NDUFA9: variants seen among roughly 807,000 people sequenced by gnomAD.
The protein encoded by NDUFA9 is NADH dehydrogenase [ubiquinone] 1 alpha subcomplex subunit 9, mitochondrial.
A neutral mutation model predicts 45.9 loss-of-function variants in NDUFA9; 23 were observed. That is an observed-to-expected ratio of 0.50 (90% confidence interval 0.36 to 0.71). The LOEUF (loss-of-function observed/expected upper bound fraction) is 0.71. Ranked by LOEUF, NDUFA9 falls within the 30% of genes least tolerant of loss-of-function variation. The pLI is 0.00. For synonymous variants in NDUFA9, 176 were observed against 170.5 expected (o/e 1.03, Z -0.25); for missense variants, 466 against 488.2 (o/e 0.95, Z 0.43).
rs866060087 is a variant in NDUFA9, at chr12:4,689,023, T to C, written c.*1915T>C. ...TAGATGTAAATATTGTCAGGGTATA[T>C]GTGGTAATTTGATATATTCATATAA... On this transcript the variant is annotated 3_prime_UTR_variant, in exon 11 of 11. Coordinates refer to ENST00000266544, the MANE Select transcript of NDUFA9 (RefSeq NM_005002.5). 1.3e-4 allele frequency: 20 copies of C among 152,256 alleles called. No individual in the cohort carries two copies. The highest frequency in any genetic ancestry group is 2.4e-4 in the Non-Finnish European group (16 of 68,048). The allele number at this position is 152,256 out of a possible 1,614,324, so 9.4% of individuals were successfully genotyped here. A position where few individuals can be genotyped will look rare whatever the true frequency, so the allele number is the denominator to read the frequency against.
Position 4,662,550 on chromosome 12 carries a change from A to G in NDUFA9, c.570A>G (p.Val190=). The change falls in exon 6 of 11, where the codon GTA becomes GTG. Residue 190 remains valine (V), a synonymous_variant. Coordinates refer to ENST00000266544, the MANE Select transcript of NDUFA9 (RefSeq NM_005002.5). ...YLRNKAVGEK[V]VRDAFPEAII... is the part of the protein sequence containing the mutation. Reference sequence around the variant, plus strand: ...TTGTTTAGGCTGTTGGAGAGAAAGTAGTGAGAGATGCATTTCCGGAAGCCA... The same window carrying G: ...TTGTTTAGGCTGTTGGAGAGAAAGTGGTGAGAGATGCATTTCCGGAAGCCA... 3 of 1,613,810 alleles carry G rather than the reference A, an allele frequency of 1.9e-6. No homozygotes were observed. Among genetic ancestry groups the G allele is most frequent in the Non-Finnish European group, 2.5e-6 (3 of 1,179,726 alleles).
chr12:4,685,878 T>C (rs3835026), intron 10 of NDUFA9, among the ~76,000 whole-genome samples: 107,952 of 152,134 alleles, frequency 0.71, 39,042 homozygotes, highest in Non-Finnish European at 0.79. Flanking sequence ...CAAAATAAAA[T>C]AAAAATACTA....
chr12:4,664,571 A>G (rs919049814), intron 6 of NDUFA9, among the ~76,000 whole-genome samples: 3 of 152,330 alleles, frequency 2.0e-5, no homozygotes, highest in African/African-American at 7.2e-5. Context: ...AGGTGGGACC[A>G]CCCAGAGTCT....
intron 3 of NDUFA9, 188 bp downstream of exon 3, chr12:4,655,110 T>C (rs912479145): frequency 9.2e-6 from 5 of 541,466 alleles, no homozygotes; most frequent in African/African-American, 1.9e-5. Context: ...GATTGGCAGT[T>C]GGCAAACTTT....
In NDUFA9 at chr12:4,691,387, A is replaced by T. The variant is rs991580848; in HGVS notation, c.*4279A>T. ...GATTCCTATTTCCCAAATGCTGGAA[A>T]CAGGGACTTATAGAAGGTAAATTGC... On this transcript the variant is annotated 3_prime_UTR_variant, in exon 11 of 11. Transcript: ENST00000266544. 6.6e-6 allele frequency: 1 copy of T among 152,230 alleles called. No individual in the cohort carries two copies. Among genetic ancestry groups the T allele is most frequent in the Admixed American group, 6.5e-5 (1 of 15,286 alleles). The allele number at this position is 152,230 out of a possible 1,614,324, so 9.4% of individuals were successfully genotyped here. A position where few individuals can be genotyped will look rare whatever the true frequency, so the allele number is the denominator to read the frequency against.
chr12:4,685,347 G>A (rs755109305), intron 10 of NDUFA9, 22 bp downstream of exon 10: 35 of 1,600,358 alleles, frequency 2.2e-5, no homozygotes, highest in South Asian at 1.7e-4. Context: ...TGTGGAAAGC[G>A]TCTGCCTGGG....
At chr12:4,667,843 G>T (rs1418501676) in intron 6 of NDUFA9, among the ~76,000 whole-genome samples, 2 of 147,306 alleles carry the variant, frequency 1.4e-5, no homozygotes, top group African/African-American at 5.0e-5. Flanking sequence ...AAAAAAAAAA[G>T]AAAAACAAAC....
At position 4,689,279 on chromosome 12, in the gene NDUFA9, G is replaced by T; in HGVS notation, c.*2171G>T. The stretch of plus-strand genomic sequence containing the variant: ...CTAACTTGTATCATCTCAGGATGCT[G>T]TATATTTCTTTTATTTTTTATTTTT... On this transcript the variant is annotated 3_prime_UTR_variant, in exon 11 of 11. Transcript: ENST00000266544. 6.6e-6 allele frequency: 1 copy of T among 152,378 alleles called. No individual in the cohort carries two copies. Among genetic ancestry groups the T allele is most frequent in the South Asian group, 2.1e-4 (1 of 4,798 alleles). The allele number at this position is 152,378 out of a possible 1,614,324, so 9.4% of individuals were successfully genotyped here.
At chr12:4,664,711 T>C (rs1945843034) in intron 6 of NDUFA9, among the ~76,000 whole-genome samples, 1 of 152,186 alleles carries the variant, frequency 6.6e-6, no homozygotes, top group Non-Finnish European at 1.5e-5. Flanking sequence ...AACTACCGCT[T>C]CAGTGGGTCC....
At chr12:4,680,197 T>C (rs757638362) in intron 8 of NDUFA9, among the ~76,000 whole-genome samples, 2 of 151,940 alleles carry the variant, frequency 1.3e-5, no homozygotes, top group Non-Finnish European at 2.9e-5. Context: ...TAGGAGAACA[T>C]GTGGGATTGC....
intron 6 of NDUFA9, among the ~76,000 whole-genome samples, chr12:4,668,133 C>A (rs1945864264): frequency 6.6e-6 from 1 of 152,126 alleles, no homozygotes; most frequent in Non-Finnish European, 1.5e-5. Flanking sequence ...AGGAAGAGTT[C>A]CATGTTTCTC....
intron 8 of NDUFA9, among the ~76,000 whole-genome samples, chr12:4,671,143 G>A (rs1290587339): frequency 1.3e-5 from 2 of 152,162 alleles, no homozygotes; most frequent in Non-Finnish European, 2.9e-5. Flanking sequence ...TTGAGGCTAA[G>A]GCAGTGGCAT....
At chr12:4,662,452 T>C in intron 5 of NDUFA9, 81 bp from the exon 6 acceptor site, 1 of 1,027,732 alleles carries the variant, frequency 9.7e-7, no homozygotes, top group Non-Finnish European at 1.5e-6. Flanking sequence ...GAAATACAAG[T>C]CATGTCTTAA....
intron 8 of NDUFA9, among the ~76,000 whole-genome samples, chr12:4,680,076 G>A (rs954334638): frequency 3.3e-5 from 5 of 152,128 alleles, no homozygotes; most frequent in African/African-American, 9.7e-5. Flanking sequence ...TTTTCTTGTT[G>A]GAATGTGAGG....
At chr12:4,667,157 T>C (rs1591546027) in intron 6 of NDUFA9, among the ~76,000 whole-genome samples, 1 of 152,192 alleles carries the variant, frequency 6.6e-6, no homozygotes, top group Non-Finnish European at 1.5e-5. Context: ...ACAAATGCTA[T>C]GTCCCCACAT....
rs1483557087 is a variant in NDUFA9 at position 4,687,330 on chromosome 12, A to G, written c.*222A>G. 21 of 376,936 alleles carry G rather than the reference A, an allele frequency of 5.6e-5. No homozygotes were observed. In the South Asian group the frequency reaches 9.8e-4, roughly 18 times the overall value. The allele number at this position is 376,936 out of a possible 1,614,324, so 23.3% of individuals were successfully genotyped here. On this transcript the variant is annotated 3_prime_UTR_variant, in exon 11 of 11. Transcript: ENST00000266544. The stretch of plus-strand genomic sequence containing the variant: ...TTAAACATATTTAATAATGATATAT[A>G]TACTATTTATTCTCTGAAATGCCAG...
intron 6 of NDUFA9, among the ~76,000 whole-genome samples, chr12:4,664,264 G>A (rs536974165): frequency 5.9e-5 from 9 of 152,256 alleles, no homozygotes; most frequent in African/African-American, 1.9e-4. Flanking sequence ...TTGTGGATGC[G>A]ACTCACCAAC....
intron 3 of NDUFA9, 44 bp from the exon 4 acceptor site, chr12:4,657,704 G>A: frequency 7.0e-7 from 1 of 1,419,566 alleles, no homozygotes; most frequent in East Asian, 2.3e-5. Flanking sequence ...TGAGTGCTGA[G>A]GTATACCCCT....
At chr12:4,681,152 T>C (rs1945950032) in intron 8 of NDUFA9, among the ~76,000 whole-genome samples, 1 of 151,966 alleles carries the variant, frequency 6.6e-6, no homozygotes, top group Non-Finnish European at 1.5e-5. Context: ...AAAAAAAAAA[T>C]CTTTTTTATA....
Sources: gnomAD v4.1 joint callset for allele counts (sites outside exome capture counted in the v4.1 genomes callset) on GRCh38, gnomAD v4.1.1 for gene constraint, MANE v1.5 for transcripts, NCBI Gene and HGNC (gene_info 2026-07-23, HGNC 2026-07-21) for gene names.